The following AFDN variants were observed in gnomAD, a reference collection of about 807,000 sequenced individuals.
AFDN encodes the protein afadin, adherens junction formation factor, also known as afadin.
A neutral mutation model predicts 216.6 loss-of-function variants in AFDN; 68 were observed. That is an observed-to-expected ratio of 0.31 (90% confidence interval 0.26 to 0.38). The LOEUF (loss-of-function observed/expected upper bound fraction) is 0.38, where lower values mean the gene tolerates loss of function less well. AFDN is among the 10% of genes least tolerant of loss of function. AFDN has a pLI of 1.00. For synonymous variants in AFDN, 868 were observed against 853.7 expected (o/e 1.02, Z -0.29); for missense variants, 2,136 against 2,342.0 (o/e 0.91, Z 1.82).
chr6:167,953,372 G>A (rs73036603), intron 30 of AFDN, among the ~76,000 whole-genome samples: 2,997 of 152,196 alleles, frequency 0.02, 54 homozygotes, highest in Non-Finnish European at 0.033. Context: ...GATTTGCTCT[G>A]TGAATTTTTC....
intron 16 of AFDN, 198 bp from the exon 17 acceptor site, chr6:167,913,970 A>G (rs965172245): frequency 1.4e-5 from 8 of 557,688 alleles, no homozygotes; most frequent in African/African-American, 1.3e-4. Context: ...ATCCTAAGAA[A>G]TAGTTGCAGT....
At chr6:167,890,809 G>C in intron 7 of AFDN, 53 bp from the exon 8 acceptor site, 1 of 1,568,204 alleles carries the variant, frequency 6.4e-7, no homozygotes, top group Non-Finnish European at 8.7e-7. Context: ...CAGTCAGCGG[G>C]CCATCCTGAC....
chr6:167,925,849 A>T (rs1309230066), intron 23 of AFDN, among the ~76,000 whole-genome samples: 3 of 152,234 alleles, frequency 2.0e-5, no homozygotes, highest in African/African-American at 7.2e-5. Context: ...GATATTTTCC[A>T]TGAAACAAAT....
At chr6:167,924,640 G>A (rs1169721170) in intron 22 of AFDN, among the ~76,000 whole-genome samples, 1 of 152,182 alleles carries the variant, frequency 6.6e-6, no homozygotes, top group Non-Finnish European at 1.5e-5. Context: ...AACACAAAAA[G>A]ACTGGTAATT....
At chr6:167,890,819 C>G (rs757349404) in intron 7 of AFDN, 43 bp from the exon 8 acceptor site, 31 of 1,594,020 alleles carry the variant, frequency 1.9e-5, no homozygotes, top group Non-Finnish European at 2.1e-5. Context: ...GCCATCCTGA[C>G]CAACCTGAGT....
intron 7 of AFDN, 90 bp from the exon 8 acceptor site, chr6:167,890,772 T>C (rs1787465000): frequency 2.4e-6 from 3 of 1,268,718 alleles, no homozygotes; most frequent in Non-Finnish European, 3.3e-6. Context: ...ATGCATCTTT[T>C]TGAGAAAGTT....
intron 30 of AFDN, among the ~76,000 whole-genome samples, chr6:167,958,189 A>G (rs1796706568): frequency 6.6e-6 from 1 of 152,222 alleles, no homozygotes; most frequent in East Asian, 1.9e-4. Context: ...TAGGCTATAT[A>G]TATAGTGTAT....
chr6:167,957,888 A>G (rs1796677973), intron 30 of AFDN, among the ~76,000 whole-genome samples: 2 of 152,222 alleles, frequency 1.3e-5, no homozygotes, highest in Admixed American at 6.5e-5. Context: ...TTTCCTCATG[A>G]CAAAGCTATT....
rs73788653 is a variant in AFDN at position 167,924,348 on chromosome 6, A to G, written c.3013-657A>G. On this transcript the variant is annotated intron_variant, in intron 22 of 33. Coordinates refer to ENST00000683244, the MANE Select transcript of AFDN (RefSeq NM_001386888.1). ...GACATGTATAGAATACGTAACTTCAATGAGTAATTTTGCTTTCTCATTCTT... is the reference window on the plus strand; with the variant it reads ...GACATGTATAGAATACGTAACTTCAGTGAGTAATTTTGCTTTCTCATTCTT... Among the ~76,000 whole-genome samples the G allele has an allele frequency of 4.9e-3, 747 of 152,290 alleles. 5 individuals carry two copies. The highest frequency in any genetic ancestry group is 0.017 in the African/African-American group (706 of 41,560).
At chr6:167,889,395 CATG>C in intron 7 of AFDN, 69 bp downstream of exon 7, 1 of 1,065,176 alleles carries the variant, frequency 9.4e-7, no homozygotes, top group Admixed American at 1.8e-5. Context: ...CACCTTATCA[CATG>C]ATGTAGGAGA....
At chr6:167,835,027 T>C (rs1453589459) in intron 1 of AFDN, among the ~76,000 whole-genome samples, 7 of 152,212 alleles carry the variant, frequency 4.6e-5, no homozygotes, top group Non-Finnish European at 8.8e-5. Flanking sequence ...TTTGAATGGT[T>C]CTTTTACTCA....
At position 167,969,180 on chromosome 6, in the gene AFDN, A is replaced by G. The variant is rs561883461; in HGVS notation, c.5324A>G (p.Lys1775Arg). 1.2e-4 allele frequency: 201 copies of G among 1,613,870 alleles called. 4 individuals are homozygous for G. In the South Asian group the frequency reaches 1.5e-3, roughly 12 times the overall value. Residue 1775 changes from lysine (K) to arginine (R), a missense_variant, in exon 33 of 34, where the codon AAA becomes AGA. Coordinates refer to ENST00000683244, the MANE Select transcript of AFDN (RefSeq NM_001386888.1). ...VGAHDACRDA[K>R]EKRSKSQDAD... is the part of the protein sequence containing the mutation. ...GCCCATGACGCCTGTCGGGATGCAA[A>G]AGAGAAGCGCTCTAAAAGGTATGGA... is the stretch of plus-strand genomic sequence containing the variant.
Position 167,872,458 on chromosome 6 carries a change from AG to A in AFDN, c.578+82del, listed in dbSNP as rs1016286246. ...GTTGCACCAAAATTGTTAAATTTTC[AG>A]ATAAATTATGGAAAGGATGAGTATC... On this transcript the variant is annotated intron_variant, in intron 4 of 33. Coordinates refer to ENST00000683244, the MANE Select transcript of AFDN (RefSeq NM_001386888.1). 30 of 1,435,326 alleles carry A rather than the reference AG, an allele frequency of 2.1e-5. No individual in the cohort carries two copies. The African/African-American group carries it at 4.3e-4, about 20-fold the overall frequency. The allele number at this position is 1,435,326 out of a possible 1,614,324, so 88.9% of individuals were successfully genotyped here. A position where few individuals can be genotyped will look rare whatever the true frequency, so the allele number is the denominator to read the frequency against.
At chr6:167,860,406 A>G (rs1208425907) in intron 1 of AFDN, among the ~76,000 whole-genome samples, 3 of 152,098 alleles carry the variant, frequency 2.0e-5, no homozygotes, top group African/African-American at 4.8e-5. Flanking sequence ...AGAGCATTGT[A>G]TTGGATCCTG....
intron 30 of AFDN, among the ~76,000 whole-genome samples, chr6:167,955,529 A>G (rs1333319217): frequency 2.0e-5 from 3 of 152,166 alleles, no homozygotes; most frequent in Non-Finnish European, 4.4e-5. Flanking sequence ...TGAGATATTC[A>G]TTCAGCAAAT....
At chr6:167,902,798 G>T (rs1379837668) in intron 12 of AFDN, among the ~76,000 whole-genome samples, 2 of 152,182 alleles carry the variant, frequency 1.3e-5, no homozygotes, top group African/African-American at 4.8e-5. Flanking sequence ...TGCAGATAAG[G>T]GGGACTCCAG....
chr6:167,864,824 C>A, intron 2 of AFDN, 78 bp downstream of exon 2: 1 of 1,424,682 alleles, frequency 7.0e-7, no homozygotes, highest in South Asian at 1.2e-5. Flanking sequence ...TCATTGTGGT[C>A]ATGTCAGGTT....
intron 1 of AFDN, among the ~76,000 whole-genome samples, chr6:167,855,676 C>T (rs768218828): frequency 6.6e-6 from 1 of 152,010 alleles, no homozygotes; most frequent in African/African-American, 2.4e-5. Flanking sequence ...TGATTTTTCT[C>T]GGAGCTGGAA....
intron 1 of AFDN, among the ~76,000 whole-genome samples, chr6:167,849,685 G>A (rs113727789): frequency 0.029 from 4,403 of 152,242 alleles, 104 homozygotes; most frequent in Non-Finnish European, 0.048. Context: ...TTATTTAACA[G>A]TATAGAAGAT....
Sources: allele counts gnomAD v4.1 joint callset (sites outside exome capture counted in the v4.1 genomes callset), GRCh38; gene constraint gnomAD v4.1.1; transcripts MANE v1.5; gene names NCBI Gene and HGNC (gene_info 2026-07-23, HGNC 2026-07-21).